SFMBT2: variants seen among roughly 807,000 people sequenced by gnomAD.
SFMBT2 encodes Scm like with four mbt domains 2.
Under a neutral mutation model 110.1 loss-of-function variants are expected in SFMBT2, and 38 were observed. The observed-to-expected ratio is 0.35, with a 90% confidence interval of 0.27 to 0.45. The LOEUF (loss-of-function observed/expected upper bound fraction) is 0.45. Among genes scored for constraint, SFMBT2 ranks in the 20% least tolerant of loss-of-function variants. SFMBT2 has a pLI of 1.00. For synonymous variants in SFMBT2, 425 were observed against 425.4 expected, an observed-to-expected ratio of 1.00 and a Z score of 0.01; for missense variants, 1,011 against 1,094.9, an observed-to-expected ratio of 0.92 and a Z score of 1.08.
At chr10:7,254,294 C>A (rs1038355782) in intron 7 of SFMBT2, among the ~76,000 whole-genome samples, 1 of 152,136 alleles carries the variant, frequency 6.6e-6, no homozygotes, top group African/African-American at 2.4e-5. Context: ...AGGCACCGCA[C>A]AGGAGACTAA....
intron 6 of SFMBT2, among the ~76,000 whole-genome samples, chr10:7,279,295 T>G (rs1841876308): frequency 6.6e-6 from 1 of 152,138 alleles, no homozygotes; most frequent in African/African-American, 2.4e-5. Context: ...TCTCTCCTCC[T>G]CCACACCAGA....
At chr10:7,294,102 C>T (rs557593284) in intron 4 of SFMBT2, among the ~76,000 whole-genome samples, 12 of 152,226 alleles carry the variant, frequency 7.9e-5, no homozygotes, top group Admixed American at 2.0e-4. Context: ...TCAGGTTCCC[C>T]ATGAAATATG....
At chr10:7,220,981 C>T (rs1839713765) in intron 10 of SFMBT2, among the ~76,000 whole-genome samples, 1 of 152,050 alleles carries the variant, frequency 6.6e-6, no homozygotes, top group Non-Finnish European at 1.5e-5. Flanking sequence ...CACCTGCCAT[C>T]ATGCCTGGCT....
At chr10:7,256,727 G>T (rs1378580279) in intron 7 of SFMBT2, among the ~76,000 whole-genome samples, 1 of 152,088 alleles carries the variant, frequency 6.6e-6, no homozygotes, top group Non-Finnish European at 1.5e-5. Context: ...TCTAGTACAC[G>T]TGGCTGGCTG....
chr10:7,172,303 G>A lies in SFMBT2; in HGVS notation c.2152-145C>T, dbSNP rs1193044344. 17 of 1,453,280 alleles carry A rather than the reference G, an allele frequency of 1.2e-5. No homozygotes were observed. Among genetic ancestry groups the A allele is most frequent in the Non-Finnish European group, 1.4e-5 (16 of 1,105,702 alleles). 90.0% of individuals were successfully genotyped at this position (1,453,280 alleles called of 1,614,324 possible). On this transcript the variant is annotated intron_variant, in intron 18 of 20. Transcript: ENST00000397167. This position sits in a 1 kb window ranked among gnomAD's most constrained non-coding sequence, Gnocchi z 4.6. The stretch of plus-strand genomic sequence containing the variant: ...TGGTCCCACCCGTGGGCCCTACGAG[G>A]CCCTTCCCAGCCAAAGCAGCTGGAC...
Position 7,162,179 on chromosome 10 carries a change from A to G in SFMBT2, c.*1591T>C, listed in dbSNP as rs1417417636. ...GCACGTGACCTGGCGGATTTAACAC[A>G]ACTGCCCAGGAAATTCCACAAGCAA... On this transcript the variant is annotated 3_prime_UTR_variant, in exon 21 of 21. Coordinates refer to ENST00000397167, the MANE Select transcript of SFMBT2 (RefSeq NM_001387889.1). 1 of 151,974 alleles carries G rather than the reference A, an allele frequency of 6.6e-6. No homozygotes were observed. Among genetic ancestry groups the G allele is most frequent in the Non-Finnish European group, 1.5e-5 (1 of 68,060 alleles). 9.4% of individuals were successfully genotyped at this position (151,974 alleles called of 1,614,324 possible).
rs1344766313 is a variant in SFMBT2, at chr10:7,188,730, G to A, written c.1702C>T (p.Leu568Phe). ...GKCVLVLKEV[L>F]SMIINAAYKP... ...TAGGCTGCGTTGATTATCATGCTAA[G>A]AACCTTTTGGGGAAAAAAATAAGCA... Residue 568 changes from leucine to phenylalanine, a missense_variant, in exon 16 of 21, where the codon CTT (leucine) becomes TTT (phenylalanine). This residue lies in a region of SFMBT2 where 979 missense variants were observed against 1,016.1 expected (regional missense o/e 0.96). Transcript: ENST00000397167. 1 of 1,609,892 alleles carries A rather than the reference G, an allele frequency of 6.2e-7. No individual in the cohort carries two copies. The highest frequency in any genetic ancestry group is 8.5e-7 in the Non-Finnish European group (1 of 1,177,896).
chr10:7,299,216 G>A (rs1474302364), intron 4 of SFMBT2, among the ~76,000 whole-genome samples: 12 of 152,052 alleles, frequency 7.9e-5, no homozygotes, highest in Non-Finnish European at 1.3e-4. Flanking sequence ...CAATTGCAAC[G>A]AAAGCCAAAA....
At chr10:7,202,734 G>A (rs1588798408) in intron 12 of SFMBT2, 11 of 985,312 alleles carry the variant, frequency 1.1e-5, no homozygotes, top group South Asian at 4.7e-5. Context: ...GTACAACTTC[G>A]TTCATTTAAT....
chr10:7,239,964 C>T (rs983478527), intron 9 of SFMBT2, among the ~76,000 whole-genome samples: 9 of 152,102 alleles, frequency 5.9e-5, no homozygotes, highest in Non-Finnish European at 2.9e-5. Flanking sequence ...GCCTCAATTT[C>T]TCTAGATATA....
intron 11 of SFMBT2, chr10:7,206,944 G>A (rs1189264264): frequency 1.0e-6 from 1 of 985,262 alleles, no homozygotes; most frequent in African/African-American, 1.7e-5. Flanking sequence ...ATAACACAGT[G>A]GCCGGGTGTG....
chr10:7,177,969 A>G (rs1035987211), intron 16 of SFMBT2, among the ~76,000 whole-genome samples: 9 of 152,200 alleles, frequency 5.9e-5, no homozygotes, highest in Non-Finnish European at 1.0e-4. Context: ...TCCACAAGCC[A>G]AAAAGAGAAG....
chr10:7,176,558 T>C (rs754555839), intron 16 of SFMBT2: 5 of 946,014 alleles, frequency 5.3e-6, no homozygotes, highest in Non-Finnish European at 6.3e-6. Context: ...AAAATGTGAG[T>C]GCATATGGGA....
intron 4 of SFMBT2, among the ~76,000 whole-genome samples, chr10:7,302,676 A>G (rs1396769542): frequency 1.3e-5 from 2 of 152,248 alleles, no homozygotes; most frequent in Non-Finnish European, 2.9e-5. Flanking sequence ...ATTCAACATC[A>G]TAAATCAGGT....
chr10:7,261,477 T>C (rs1010674178), intron 7 of SFMBT2, among the ~76,000 whole-genome samples: 1 of 152,072 alleles, frequency 6.6e-6, no homozygotes, highest in Admixed American at 6.6e-5. Flanking sequence ...GATCAGGGAG[T>C]GCATGAATCA....
rs780098700 is a variant in SFMBT2 at position 7,381,835 on chromosome 10, G to A, written c.64C>T (p.Leu22Phe). 1 of 1,613,572 alleles carries A rather than the reference G, an allele frequency of 6.2e-7. No individual in the cohort carries two copies. The highest frequency in any genetic ancestry group is 8.5e-7 in the Non-Finnish European group (1 of 1,179,748). Residue 22 changes from leucine to phenylalanine, a missense_variant, in exon 2 of 21, where the codon CTC becomes TTC. This residue lies in a region of SFMBT2 where 979 missense variants were observed against 1,016.1 expected (regional missense o/e 0.96). Coordinates refer to ENST00000397167, the MANE Select transcript of SFMBT2 (RefSeq NM_001387889.1). The stretch of plus-strand genomic sequence containing the variant: ...TCTCCATTTCCATTAGCTGAGCCGA[G>A]ACACTTTTCCAAGGGTGAAGATGAA... ...DPSSSPLEKC[L>F]GSANGNGDLD...
At chr10:7,381,510 A>AC (rs1474096647) in intron 2 of SFMBT2, among the ~76,000 whole-genome samples, 5 of 152,210 alleles carry the variant, frequency 3.3e-5, no homozygotes, top group Non-Finnish European at 5.9e-5. Flanking sequence ...AGGATGGTGC[A>AC]CAACGACTCC....
intron 4 of SFMBT2, among the ~76,000 whole-genome samples, chr10:7,291,825 T>A (rs951497650): frequency 6.6e-6 from 1 of 152,130 alleles, no homozygotes; most frequent in Non-Finnish European, 1.5e-5. Flanking sequence ...TAGTCCTTGG[T>A]TGTACCCACG....
At chr10:7,310,736 G>C (rs538405580) in intron 4 of SFMBT2, among the ~76,000 whole-genome samples, 1 of 152,262 alleles carries the variant, frequency 6.6e-6, no homozygotes, top group East Asian at 1.9e-4. Flanking sequence ...TTGAAAAAAA[G>C]GCTTCGTGTG....
Sources: allele counts gnomAD v4.1 joint callset (sites outside exome capture counted in the v4.1 genomes callset), GRCh38; gene constraint gnomAD v4.1.1; regional missense constraint gnomAD v4.1.1; non-coding constraint Gnocchi (gnomAD v3.1); transcripts MANE v1.5; gene names NCBI Gene and HGNC (gene_info 2026-07-23, HGNC 2026-07-21).